The following FMO1 variants were observed in gnomAD, a reference collection of about 807,000 sequenced individuals.
FMO1 encodes flavin-containing monooxygenase 1.
A neutral mutation model predicts 45.4 loss-of-function variants in FMO1; 36 were observed. The ratio of observed to expected loss-of-function variants is 0.79; its 90% CI spans 0.61 to 1.05. The LOEUF (loss-of-function observed/expected upper bound fraction) is 1.05, where lower values mean the gene tolerates loss of function less well. Ranked by LOEUF, FMO1 falls within the 50% of genes least tolerant of loss-of-function variation. The probability of loss-of-function intolerance (pLI) is 0.00; values close to 1 mark genes in which losing one functional copy is unlikely to be tolerated. For missense variants in FMO1, 615 were observed against 640.3 expected, an observed-to-expected ratio of 0.96 and a Z score of 0.43; for synonymous variants, 228 against 227.2, an observed-to-expected ratio of 1.00 and a Z score of -0.03.
At position 171,253,665 on chromosome 1, in the gene FMO1, G is replaced by A. The variant is rs141588372; in HGVS notation, c.-6-4417G>A. The stretch of plus-strand genomic sequence containing the variant: ...AATCCCAGCTACTCGGGAGGCTGAG[G>A]CAGGAGAATCGCTCGAACCCAGGAG... On this transcript the variant is annotated intron_variant, in intron 1 of 8. Transcript: ENST00000617670. 5.6e-3 allele frequency among the ~76,000 whole-genome samples: 847 copies of A among 152,202 alleles called. 10 individuals are homozygous for A. Among genetic ancestry groups the A allele is most frequent in the African/African-American group, 0.019 (802 of 41,514 alleles).
intron 2 of FMO1, among the ~76,000 whole-genome samples, chr1:171,264,669 C>G (rs1417731825): frequency 6.6e-6 from 1 of 152,158 alleles, no homozygotes; most frequent in East Asian, 1.9e-4. Flanking sequence ...AAGGGCGGAT[C>G]ACGAGGTCAG....
At chr1:171,253,452 G>C (rs1307443043) in intron 1 of FMO1, among the ~76,000 whole-genome samples, 1 of 152,112 alleles carries the variant, frequency 6.6e-6, no homozygotes, top group Non-Finnish European at 1.5e-5. Flanking sequence ...AGGATCACTT[G>C]AGCCCAGACA....
rs71561566 is a variant in FMO1 at position 171,260,912 on chromosome 1, CAAAAAA to C, written c.132+2711_132+2716del. 7.5e-5 allele frequency among the ~76,000 whole-genome samples: 4 copies of C among 53,684 alleles called. No individual in the cohort carries two copies. In the East Asian group the frequency reaches 2.0e-3, roughly 26 times the overall value. 35.2% of individuals were successfully genotyped at this position (53,684 alleles called of 152,430 possible). A position where few individuals can be genotyped will look rare whatever the true frequency, so the allele number is the denominator to read the frequency against. On this transcript the variant is annotated intron_variant, in intron 2 of 8. Coordinates refer to ENST00000617670, the MANE Select transcript of FMO1 (RefSeq NM_001282693.2). ...TGGGTGACACAGAAAGGCTCCATCT[CAAAAAA>C]AAAAAAAAAAAAAAAAAGAATATTG... is the stretch of plus-strand genomic sequence containing the variant.
chr1:171,278,085 T>C (rs1558016145), intron 4 of FMO1, among the ~76,000 whole-genome samples: 1 of 152,224 alleles, frequency 6.6e-6, no homozygotes, highest in African/African-American at 2.4e-5. Flanking sequence ...AGGTATCCTA[T>C]CAAGTTAGCC....
intron 4 of FMO1, 86 bp from the exon 5 acceptor site, chr1:171,278,643 A>G: frequency 9.4e-7 from 1 of 1,062,344 alleles, no homozygotes; most frequent in South Asian, 2.1e-5. Context: ...TCATCTGTCA[A>G]AAGAATGTTA....
intron 1 of FMO1, among the ~76,000 whole-genome samples, chr1:171,254,379 C>T (rs1198960042): frequency 6.6e-6 from 1 of 152,088 alleles, no homozygotes; most frequent in Non-Finnish European, 1.5e-5. Flanking sequence ...CATGAACCAC[C>T]ACCCCGGCCC....
chr1:171,254,679 A>T (rs11808714), intron 1 of FMO1, among the ~76,000 whole-genome samples: 3,368 of 152,288 alleles, frequency 0.022, 48 homozygotes, highest in African/African-American at 0.046. Flanking sequence ...CTGTGGGGTC[A>T]GGCAGCTTCT....
At chr1:171,255,040 A>G (rs1045356321) in intron 1 of FMO1, among the ~76,000 whole-genome samples, 31 of 152,242 alleles carry the variant, frequency 2.0e-4, no homozygotes, top group African/African-American at 7.0e-4. Flanking sequence ...GCTTAGCAAT[A>G]TAGAAACCAC....
chr1:171,261,173 C>A (rs1660363786), intron 2 of FMO1, among the ~76,000 whole-genome samples: 1 of 152,124 alleles, frequency 6.6e-6, no homozygotes, highest in Non-Finnish European at 1.5e-5. Context: ...CCTTTTTAGG[C>A]ACCTCTGTAA....
chr1:171,257,836 A>G (rs1220668696), intron 1 of FMO1: 1 of 465,392 alleles, frequency 2.1e-6, no homozygotes, highest in South Asian at 2.1e-5. Flanking sequence ...GCCAGAAGCT[A>G]CAGCCTTGAC....
chr1:171,266,233 T>C (rs1219156420), intron 2 of FMO1, among the ~76,000 whole-genome samples: 2 of 152,188 alleles, frequency 1.3e-5, no homozygotes, highest in East Asian at 1.9e-4. Context: ...TATATCCTGT[T>C]CAACAAAATG....
intron 5 of FMO1, among the ~76,000 whole-genome samples, chr1:171,280,027 C>T (rs10912709): frequency 0.049 from 7,387 of 152,206 alleles, 601 homozygotes; most frequent in African/African-American, 0.17. Context: ...TTGTAATTTG[C>T]ACCCCTCAGT....
chr1:171,252,713 A>G (rs1659952419), intron 1 of FMO1, among the ~76,000 whole-genome samples: 3 of 152,242 alleles, frequency 2.0e-5, no homozygotes, highest in African/African-American at 7.2e-5. Context: ...CCACAGGTGC[A>G]CTGTGCTCAC....
rs1308396525 is a variant in FMO1 at position 171,278,919 on chromosome 1, G to A, written c.627+48G>A. ...TGAAGAGCTTTATCTTAAGATGCAT[G>A]CCTCAAGCAAATGGTGTTTGACACC... On this transcript the variant is annotated intron_variant, in intron 5 of 8. Transcript: ENST00000617670. 3.6e-5 allele frequency: 53 copies of A among 1,478,020 alleles called. No individual in the cohort carries two copies. In the East Asian group the frequency reaches 1.2e-3, roughly 35 times the overall value. The allele number at this position is 1,478,020 out of a possible 1,614,324, so 91.6% of individuals were successfully genotyped here.
intron 1 of FMO1, among the ~76,000 whole-genome samples, chr1:171,256,485 G>T (rs1440754131): frequency 6.6e-6 from 1 of 151,844 alleles, no homozygotes; most frequent in Non-Finnish European, 1.5e-5. Context: ...CCCAGAGAGG[G>T]GAAAATTATA....
At chr1:171,279,590 T>A (rs1297412841) in intron 5 of FMO1, among the ~76,000 whole-genome samples, 1 of 152,126 alleles carries the variant, frequency 6.6e-6, no homozygotes, top group Non-Finnish European at 1.5e-5. Context: ...TCTCAAGGGT[T>A]TTGCCCTGCA....
At chr1:171,280,529 C>T (rs1333895937) in intron 5 of FMO1, among the ~76,000 whole-genome samples, 3 of 152,160 alleles carry the variant, frequency 2.0e-5, no homozygotes, top group Non-Finnish European at 4.4e-5. Context: ...CTATGGTTTA[C>T]TAAAGGCTGG....
At chr1:171,272,100 G>T (rs1431345502) in intron 3 of FMO1, among the ~76,000 whole-genome samples, 1 of 152,256 alleles carries the variant, frequency 6.6e-6, no homozygotes, top group East Asian at 1.9e-4. Context: ...GTGCAGCCAA[G>T]GGACTTGGTG....
intron 2 of FMO1, among the ~76,000 whole-genome samples, chr1:171,264,831 G>A (rs575997679): frequency 9.2e-5 from 14 of 151,634 alleles, no homozygotes; most frequent in South Asian, 4.2e-4. Flanking sequence ...CCCAGGAGGC[G>A]GAGCTTGCAG....
Sources: allele counts gnomAD v4.1 joint callset (sites outside exome capture counted in the v4.1 genomes callset), GRCh38; gene constraint gnomAD v4.1.1; transcripts MANE v1.5; gene names NCBI Gene and HGNC (gene_info 2026-07-23, HGNC 2026-07-21).